The following NDNF variants were observed in gnomAD, a reference collection of about 807,000 sequenced individuals.
The protein encoded by NDNF is neuron derived neurotrophic factor.
Under a neutral mutation model 42.0 loss-of-function variants are expected in NDNF, and 16 were observed. The ratio of observed to expected loss-of-function variants is 0.38; its 90% CI spans 0.26 to 0.58. NDNF has a LOEUF of 0.58. NDNF is among the 20% of genes least tolerant of loss of function. NDNF has a pLI of 0.67. For missense variants in NDNF, 616 were observed against 666.2 expected (o/e 0.92, Z 0.83); for synonymous variants, 248 against 251.7 (o/e 0.99, Z 0.14).
chr4:121,042,416 G>C (rs912218926), intron 2 of NDNF, among the ~76,000 whole-genome samples: 1 of 152,078 alleles, frequency 6.6e-6, no homozygotes, highest in African/African-American at 2.4e-5. Context: ...AATGGGAGTG[G>C]GGCTGTGGGC....
intron 1 of NDNF, among the ~76,000 whole-genome samples, chr4:121,064,888 G>C (rs1727473529): frequency 6.6e-6 from 1 of 152,096 alleles, no homozygotes; most frequent in African/African-American, 2.4e-5. Context: ...GTTAATTTCA[G>C]GGGTGTTTTA....
chr4:121,064,853 A>G (rs1727473016), intron 1 of NDNF, among the ~76,000 whole-genome samples: 1 of 152,158 alleles, frequency 6.6e-6, no homozygotes. Context: ...AGTAGATATA[A>G]TTGTACATTT....
At chr4:121,041,772 C>T (rs1727002123) in intron 2 of NDNF, among the ~76,000 whole-genome samples, 1 of 152,052 alleles carries the variant, frequency 6.6e-6, no homozygotes, top group Non-Finnish European at 1.5e-5. Context: ...AAAAAGCATC[C>T]CCGAAGAAAT....
chr4:121,054,921 CT>C (rs1437995220), intron 1 of NDNF, among the ~76,000 whole-genome samples: 3 of 152,222 alleles, frequency 2.0e-5, no homozygotes, highest in African/African-American at 7.2e-5. Context: ...CCTCTACCTC[CT>C]GAGCTCAACA....
At chr4:121,043,530 G>C (rs997001775) in intron 2 of NDNF, among the ~76,000 whole-genome samples, 2 of 152,084 alleles carry the variant, frequency 1.3e-5, no homozygotes, top group African/African-American at 4.8e-5. Context: ...TAAATATAAA[G>C]AATGAATAAA....
chr4:121,055,643 T>C (rs114701460), intron 1 of NDNF, among the ~76,000 whole-genome samples: 5,310 of 151,782 alleles, frequency 0.035, 315 homozygotes, highest in African/African-American at 0.12. Context: ...GCATTCTCTT[T>C]AAATGATGAG....
At chr4:121,052,058 T>A (rs2148767596) in intron 1 of NDNF, among the ~76,000 whole-genome samples, 1 of 152,326 alleles carries the variant, frequency 6.6e-6, no homozygotes, top group South Asian at 2.1e-4. Flanking sequence ...AGCCAACAGC[T>A]TTACCTACCT....
chr4:121,039,186 GTGTGTGTATATATATATATATATATA>G (rs1236248251), intron 3 of NDNF, among the ~76,000 whole-genome samples: 13 of 16,406 alleles, frequency 7.9e-4, no homozygotes, highest in Admixed American at 6.2e-3. Flanking sequence ...CTATGTGTGT[GTGTGTGTATATATATATATATATATA>G]TATATATATA....
At position 121,045,735 on chromosome 4, in the gene NDNF, G is replaced by C. The variant is rs368314253; in HGVS notation, c.103C>G (p.Arg35Gly). The C allele has an allele frequency of 2.5e-6, 4 of 1,613,974 alleles. No individual in the cohort carries two copies. In the African/African-American group the frequency reaches 5.3e-5, roughly 22 times the overall value. ...GAATCATGAAAAAATGCCTTGTCCC[G>C]GATCTGCATCTGAAAAAGTTCCTCA... ...RDEELFQMQI[R>G]DKAFFHDSSV... is the part of the protein sequence containing the mutation. The change falls in exon 2 of 4, where the codon CGG (arginine) becomes GGG (glycine). Residue 35 changes from arginine to glycine, a missense_variant. Arg to Gly is a moderately radical substitution (Grantham distance 125). Transcript: ENST00000379692.
At chr4:121,055,603 G>T (rs1006144907) in intron 1 of NDNF, among the ~76,000 whole-genome samples, 1 of 151,462 alleles carries the variant, frequency 6.6e-6, no homozygotes, top group Non-Finnish European at 1.5e-5. Context: ...TATTTAAGAA[G>T]GTATTAGAAG....
In NDNF at chr4:121,040,009, T is replaced by C; in HGVS notation, c.234A>G (p.Thr78=). ...VEEDNTPLSV[T]VTPCDAPLEW... The stretch of plus-strand genomic sequence containing the variant: ...CCAAAGGCGCATCACAGGGCGTCAC[T>C]GTGACTGATAATGGAGTATTGTCTT... Residue 78 remains threonine, a synonymous_variant, in exon 3 of 4, where the codon ACA becomes ACG. Transcript: ENST00000379692. The C allele has an allele frequency of 6.2e-7, 1 of 1,614,050 alleles. No homozygotes were observed. Among genetic ancestry groups the C allele is most frequent in the Non-Finnish European group, 8.5e-7 (1 of 1,179,948 alleles).
chr4:121,037,534 T>C lies in NDNF; in HGVS notation c.437A>G (p.Tyr146Cys), dbSNP rs372523336. The change falls in exon 4 of 4, where the codon TAT (tyrosine) becomes TGT (cysteine). Residue 146 changes from tyrosine (Y) to cysteine (C), a missense_variant. Tyr to Cys is a radical substitution (Grantham distance 194). Transcript: ENST00000379692. Reference sequence around the variant, plus strand: ...CTCTGTTGAAAGAAGATCCAACTGATATAAACCGGATGGGGAACTAGACGA... The same window carrying C: ...CTCTGTTGAAAGAAGATCCAACTGACATAAACCGGATGGGGAACTAGACGA... The part of the protein sequence containing the change: ...FISSSSPSGL[Y>C]QLDLLSTEKD... 16 of 1,614,078 alleles carry C rather than the reference T, an allele frequency of 9.9e-6. No homozygotes were observed. Among genetic ancestry groups the C allele is most frequent in the Non-Finnish European group, 1.4e-5 (16 of 1,179,964 alleles).
intron 1 of NDNF, among the ~76,000 whole-genome samples, chr4:121,050,386 C>G (rs1455612345): frequency 1.3e-5 from 2 of 152,156 alleles, no homozygotes; most frequent in Non-Finnish European, 2.9e-5. Flanking sequence ...TCTAGGTAGG[C>G]AGAGCTTATC....
At chr4:121,070,147 G>A (rs1239227120) in intron 1 of NDNF, among the ~76,000 whole-genome samples, 1 of 152,160 alleles carries the variant, frequency 6.6e-6, no homozygotes, top group Non-Finnish European at 1.5e-5. Flanking sequence ...ACTGTAATAA[G>A]AGACTGACAT....
chr4:121,037,936 T>G, intron 3 of NDNF: 1 of 324,532 alleles, frequency 3.1e-6, no homozygotes, highest in Non-Finnish European at 5.6e-6. Flanking sequence ...TGAGACATTA[T>G]TAATCCTAAC....
intron 1 of NDNF, among the ~76,000 whole-genome samples, chr4:121,064,976 C>T (rs1049992940): frequency 2.6e-5 from 4 of 152,030 alleles, no homozygotes; most frequent in African/African-American, 7.2e-5. Context: ...CCAGGCTGGA[C>T]CGCAGGGGCT....
intron 1 of NDNF, among the ~76,000 whole-genome samples, chr4:121,062,532 A>G (rs1727429556): frequency 6.6e-6 from 1 of 152,242 alleles, no homozygotes; most frequent in Non-Finnish European, 1.5e-5. Context: ...GTCATTTTCA[A>G]TAGTTTATAG....
chr4:121,072,001 G>T lies in NDNF; in HGVS notation c.-10C>A, dbSNP rs1727613853. 1 of 152,256 alleles carries T rather than the reference G, an allele frequency of 6.6e-6. No homozygotes were observed. The highest frequency in any genetic ancestry group is 3.2e-3 in the Middle Eastern group (1 of 316). The allele number at this position is 152,256 out of a possible 1,614,324, so 9.4% of individuals were successfully genotyped here. On this transcript the variant is annotated 5_prime_UTR_variant, in exon 1 of 4. Transcript: ENST00000379692. ...TTCCTCTCCCCACTTACCTTAAAAAGATCTGTTTTTCGTAGGGAAAATAGA... is the reference window on the plus strand; with the variant it reads ...TTCCTCTCCCCACTTACCTTAAAAATATCTGTTTTTCGTAGGGAAAATAGA...
intron 1 of NDNF, among the ~76,000 whole-genome samples, chr4:121,056,802 T>C (rs981683752): frequency 3.9e-5 from 6 of 152,246 alleles, no homozygotes; most frequent in Non-Finnish European, 5.9e-5. Flanking sequence ...AAAACTGCCT[T>C]GGTGATTCTA....
Sources: gnomAD v4.1 joint callset for allele counts (sites outside exome capture counted in the v4.1 genomes callset) on GRCh38, gnomAD v4.1.1 for gene constraint, MANE v1.5 for transcripts, NCBI Gene and HGNC (gene_info 2026-07-23, HGNC 2026-07-21) for gene names.